Variants in PPTC7 observed in about 807,000 individuals in gnomAD.
PPTC7 encodes protein phosphatase PTC7 homolog.
Under a neutral mutation model 30.8 loss-of-function variants are expected in PPTC7, and 6 were observed. That is an observed-to-expected ratio of 0.19 (90% confidence interval 0.11 to 0.38). The LOEUF (loss-of-function observed/expected upper bound fraction) is 0.38, where lower values mean the gene tolerates loss of function less well. Among genes scored for constraint, PPTC7 ranks in the 10% least tolerant of loss-of-function variants. The probability of loss-of-function intolerance (pLI) is 1.00; values close to 1 mark genes in which losing one functional copy is unlikely to be tolerated. For synonymous variants in PPTC7, 163 were observed against 168.1 expected, an observed-to-expected ratio of 0.97 and a Z score of 0.23; for missense variants, 218 against 404.8, an observed-to-expected ratio of 0.54 and a Z score of 3.96.
chr12:110,537,341 C>G (rs889498318), intron 5 of PPTC7, among the ~76,000 whole-genome samples: 1 of 152,114 alleles, frequency 6.6e-6, no homozygotes, highest in African/African-American at 2.4e-5. Flanking sequence ...AACAGGAGCT[C>G]TATTCAAACA....
intron 1 of PPTC7, among the ~76,000 whole-genome samples, chr12:110,573,707 C>CTTTTAAATT (rs1376517060): frequency 3.9e-5 from 6 of 152,240 alleles, no homozygotes; most frequent in Admixed American, 2.6e-4. Flanking sequence ...ACAGGCCAGG[C>CTTTTAAATT]ACGGTGGCTC....
At chr12:110,544,240 AACATTTAATT>A (rs1249093222) in intron 3 of PPTC7, among the ~76,000 whole-genome samples, 1 of 152,244 alleles carries the variant, frequency 6.6e-6, no homozygotes, top group Non-Finnish European at 1.5e-5. Context: ...GGCAATGCTG[AACATTTAATT>A]ACATAACATG....
rs977371621 is a variant in PPTC7 at position 110,582,950 on chromosome 12, C to T, written c.82G>A (p.Gly28Ser). 2.1e-5 allele frequency: 32 copies of T among 1,542,138 alleles called. No homozygotes were observed. The highest frequency in any genetic ancestry group is 2.7e-5 in the Non-Finnish European group (31 of 1,142,324). Residue 28 changes from glycine to serine, a missense_variant, in exon 1 of 6, where the codon GGC (glycine) becomes AGC (serine). Transcript: ENST00000354300. ...GLSQTDPRAGGGGGGDYGLVT... is the reference protein window; with the variant it reads ...GLSQTDPRAGSGGGGDYGLVT... ...AGTCCGTAGTCGCCGCCGCCGCCGCCGCCGGCCCTGGGGTCGGTCTGCGAG... is the reference window on the plus strand; with the variant it reads ...AGTCCGTAGTCGCCGCCGCCGCCGCTGCCGGCCCTGGGGTCGGTCTGCGAG...
intron 2 of PPTC7, among the ~76,000 whole-genome samples, chr12:110,549,557 A>G (rs2064335573): frequency 6.6e-6 from 1 of 152,230 alleles, no homozygotes; most frequent in African/African-American, 2.4e-5. Flanking sequence ...TGGTGATGAA[A>G]GATTATTTCA....
chr12:110,537,492 G>A (rs2064227870), intron 5 of PPTC7, among the ~76,000 whole-genome samples: 1 of 152,184 alleles, frequency 6.6e-6, no homozygotes, highest in South Asian at 2.1e-4. Context: ...CTGCCAAACA[G>A]CTATGGCATG....
At chr12:110,556,703 G>A (rs1418162389) in intron 1 of PPTC7, among the ~76,000 whole-genome samples, 2 of 152,192 alleles carry the variant, frequency 1.3e-5, no homozygotes, top group Non-Finnish European at 2.9e-5. Flanking sequence ...GAGGCCACAC[G>A]TGGACCACCA....
intron 1 of PPTC7, among the ~76,000 whole-genome samples, chr12:110,572,834 C>A (rs1458458330): frequency 6.6e-6 from 1 of 152,032 alleles, no homozygotes; most frequent in East Asian, 1.9e-4. Context: ...TAATATATAA[C>A]CTTTCTGGAG....
chr12:110,542,234 A>C (rs1261254174), intron 3 of PPTC7, among the ~76,000 whole-genome samples: 1 of 151,892 alleles, frequency 6.6e-6, no homozygotes, highest in South Asian at 2.1e-4. Context: ...GGGGGAAAAA[A>C]CTCTTCAATA....
rs1025332710 is a variant in PPTC7 at position 110,545,254 on chromosome 12, A to G, written c.602+626T>C. Among the ~76,000 whole-genome samples, 8 of 152,140 alleles carry G rather than the reference A, an allele frequency of 5.3e-5. No individual in the cohort carries two copies. The South Asian group carries it at 1.7e-3, about 32-fold the overall frequency. ...ACTACAGGCGCCCGCCATCACGCCC[A>G]GCTAATTTTTGCATTTTTAGTAGAG... On this transcript the variant is annotated intron_variant, in intron 3 of 5. Transcript: ENST00000354300.
chr12:110,550,510 G>A (rs994331929), intron 2 of PPTC7, among the ~76,000 whole-genome samples: 5 of 151,758 alleles, frequency 3.3e-5, no homozygotes, highest in African/African-American at 4.8e-5. Flanking sequence ...GATTACAGGC[G>A]TGAGCTGCCG....
intron 1 of PPTC7, among the ~76,000 whole-genome samples, chr12:110,571,365 A>G (rs2135791368): frequency 6.6e-6 from 1 of 151,662 alleles, no homozygotes; most frequent in Non-Finnish European, 1.5e-5. Flanking sequence ...GCAGGTAGGA[A>G]GGGTAATATC....
At chr12:110,563,000 T>C (rs1414123827) in intron 1 of PPTC7, among the ~76,000 whole-genome samples, 1 of 151,134 alleles carries the variant, frequency 6.6e-6, no homozygotes, top group African/African-American at 2.4e-5. Context: ...TAGGCACCTG[T>C]AGTCTCAGCT....
At chr12:110,537,212 C>A in intron 5 of PPTC7, 117 bp from the exon 6 acceptor site, 1 of 740,482 alleles carries the variant, frequency 1.4e-6, no homozygotes, top group South Asian at 1.7e-5. Context: ...TTTGGTTTGT[C>A]AGTATACCCT....
At position 110,534,209 on chromosome 12, in the gene PPTC7, CAAA is replaced by C. The variant is rs1009220697; in HGVS notation, c.*2825_*2827del. 2 of 150,528 alleles carry C rather than the reference CAAA, an allele frequency of 1.3e-5. No individual in the cohort carries two copies. The highest frequency in any genetic ancestry group is 3.0e-5 in the Non-Finnish European group (2 of 67,676). 9.3% of individuals were successfully genotyped at this position (150,528 alleles called of 1,614,324 possible). A position where few individuals can be genotyped will look rare whatever the true frequency, so the allele number is the denominator to read the frequency against. ...GTTTAGAGTGCACATTTTAAAACAA[CAAA>C]ATAAAAATTTCAAGCATGTGATAAA... On this transcript the variant is annotated 3_prime_UTR_variant, in exon 6 of 6. Transcript: ENST00000354300.
intron 1 of PPTC7, among the ~76,000 whole-genome samples, chr12:110,572,069 CT>C (rs1191911572): frequency 4.6e-5 from 7 of 152,174 alleles, no homozygotes; most frequent in Non-Finnish European, 8.8e-5. Context: ...CCCAGCCAAC[CT>C]TTTGCATTTA....
intron 3 of PPTC7, among the ~76,000 whole-genome samples, chr12:110,542,047 G>A (rs964558539): frequency 4.6e-5 from 7 of 151,768 alleles, no homozygotes; most frequent in African/African-American, 9.7e-5. Flanking sequence ...TTGGGAGGCC[G>A]ACACAGGAGA....
rs574834601 is a variant in PPTC7, at chr12:110,582,882, G to A, written c.150C>T (p.Gly50=). The A allele has an allele frequency of 1.3e-5, 21 of 1,555,778 alleles. No individual in the cohort carries two copies. The South Asian group carries it at 2.0e-4, about 15-fold the overall frequency. ...CGTAGCACGCGCCCTTCTTGAGGAG[G>A]CCCTTACGGAAGTCCTTCCCGAAGC... ...GCGFGKDFRK[G]LLKKGACYGD... Residue 50 remains glycine (G), a synonymous_variant, in exon 1 of 6, where the codon GGC becomes GGT. Transcript: ENST00000354300.
intron 1 of PPTC7, among the ~76,000 whole-genome samples, chr12:110,558,831 C>G (rs1359381770): frequency 6.6e-6 from 1 of 152,186 alleles, no homozygotes; most frequent in African/African-American, 2.4e-5. Context: ...TGTTCTCAAA[C>G]TCTTGACTTC....
rs1275904541 is a variant in PPTC7 at position 110,550,704 on chromosome 12, G to A, written c.403+1085C>T. The stretch of plus-strand genomic sequence containing the variant: ...AACAAACGTAGAGGCCTGGCCAAAG[G>A]ATGCTCCATTAGCATACCACATAAA... On this transcript the variant is annotated intron_variant, in intron 2 of 5. Transcript: ENST00000354300. 2.0e-5 allele frequency among the ~76,000 whole-genome samples: 3 copies of A among 152,132 alleles called. No individual in the cohort carries two copies. The East Asian group carries it at 5.8e-4, about 29-fold the overall frequency.
Sources: allele counts gnomAD v4.1 joint callset (sites outside exome capture counted in the v4.1 genomes callset), GRCh38; gene constraint gnomAD v4.1.1; transcripts MANE v1.5; gene names NCBI Gene and HGNC (gene_info 2026-07-23, HGNC 2026-07-21).